ABI3BP: variants seen among roughly 807,000 people sequenced by gnomAD.
The protein encoded by ABI3BP is target of Nesh-SH3.
A neutral mutation model predicts 268.6 loss-of-function variants in ABI3BP; 216 were observed. The ratio of observed to expected loss-of-function variants is 0.80; its 90% confidence interval spans 0.72 to 0.90. The LOEUF (loss-of-function observed/expected upper bound fraction) is 0.90. Among genes scored for constraint, ABI3BP ranks in the 40% least tolerant of loss-of-function variants. ABI3BP has a pLI of 0.00. For missense variants in ABI3BP, 2,090 were observed against 2,182.4 expected (o/e 0.96, Z 0.84); for synonymous variants, 730 against 730.0 (o/e 1.00, Z 0.00).
intron 54 of ABI3BP, among the ~76,000 whole-genome samples, 162 bp downstream of exon 54, chr3:100,794,761 T>C (rs2097295466): frequency 6.6e-6 from 1 of 151,992 alleles, no homozygotes; most frequent in Non-Finnish European, 1.5e-5. Context: ...TCAGCATAAA[T>C]ATTAGGACAA....
intron 6 of ABI3BP, 29 bp from the exon 7 acceptor site, chr3:100,876,589 T>C (rs1047744431): frequency 6.3e-7 from 1 of 1,595,864 alleles, no homozygotes; most frequent in Non-Finnish European, 8.6e-7. Context: ...AGTCAACTTT[T>C]GAGTCATTGT....
chr3:100,848,031 G>T (rs1019677389), intron 18 of ABI3BP, among the ~76,000 whole-genome samples: 1 of 152,016 alleles, frequency 6.6e-6, no homozygotes, highest in Non-Finnish European at 1.5e-5. Context: ...ATGTATTTTG[G>T]GGTCTGTATC....
intron 50 of ABI3BP, among the ~76,000 whole-genome samples, chr3:100,807,912 A>G (rs1394909355): frequency 6.6e-6 from 1 of 152,004 alleles, no homozygotes; most frequent in African/African-American, 2.4e-5. Flanking sequence ...TTTTTAAGCA[A>G]TGCCATTCAT....
chr3:100,905,990 G>T (rs955650686), intron 2 of ABI3BP, among the ~76,000 whole-genome samples: 4 of 152,046 alleles, frequency 2.6e-5, no homozygotes, highest in Non-Finnish European at 4.4e-5. Flanking sequence ...TCTTGGCCCT[G>T]CAAGTTATGT....
chr3:100,991,846 G>T (rs115041109), intron 1 of ABI3BP, among the ~76,000 whole-genome samples: 4 of 151,966 alleles, frequency 2.6e-5, no homozygotes, highest in South Asian at 4.1e-4. Context: ...ATTGCAACAC[G>T]ATAATTAAAG....
chr3:100,876,602 A>C, intron 6 of ABI3BP, 42 bp from the exon 7 acceptor site: 2 of 1,575,206 alleles, frequency 1.3e-6, no homozygotes, highest in Non-Finnish European at 1.7e-6. Context: ...GTCATTGTGA[A>C]TAACTTTCTG....
Position 100,883,983 on chromosome 3 carries a change from TTGA to T in ABI3BP, c.696+1550_696+1552del, listed in dbSNP as rs557799401. 2.1e-3 allele frequency among the ~76,000 whole-genome samples: 320 copies of T among 152,178 alleles called. 1 individual carries two copies. Among genetic ancestry groups the T allele is most frequent in the African/African-American group, 7.1e-3 (295 of 41,554 alleles). On this transcript the variant is annotated intron_variant, in intron 6 of 67. Transcript: ENST00000471714. ...TTAAAATTATGTTTATGAAGAGCAT[TTGA>T]TGATAAGAAATATGTTCATAACATT...
intron 51 of ABI3BP, among the ~76,000 whole-genome samples, chr3:100,800,230 T>C (rs2097490513): frequency 6.6e-6 from 1 of 151,736 alleles, no homozygotes; most frequent in Non-Finnish European, 1.5e-5. Flanking sequence ...TTTTTTTGCC[T>C]GTTAATATTC....
intron 1 of ABI3BP, among the ~76,000 whole-genome samples, chr3:100,978,308 A>C (rs756065201): frequency 2.6e-5 from 4 of 152,248 alleles, no homozygotes; most frequent in Non-Finnish European, 4.4e-5. Context: ...ATGAAGTATC[A>C]AATTCATCTT....
At chr3:100,762,524 A>C (rs929852174) in intron 63 of ABI3BP, among the ~76,000 whole-genome samples, 5 of 152,098 alleles carry the variant, frequency 3.3e-5, no homozygotes, top group Admixed American at 2.0e-4. Context: ...TCCTACACTT[A>C]CTTGGTATGC....
At chr3:100,926,267 C>G (rs1008872616) in intron 2 of ABI3BP, 35 bp downstream of exon 2, 7 of 1,606,978 alleles carry the variant, frequency 4.4e-6, no homozygotes, top group Non-Finnish European at 6.0e-6. Context: ...CCTCTTACCT[C>G]CTTTCCTTCC....
chr3:100,775,116 C>A, intron 60 of ABI3BP, 91 bp downstream of exon 60: 2 of 1,464,300 alleles, frequency 1.4e-6, no homozygotes, highest in Admixed American at 2.5e-5. Flanking sequence ...AATAGAAGAC[C>A]TCAAACTGAG....
At chr3:100,967,781 T>A (rs77855871) in intron 1 of ABI3BP, among the ~76,000 whole-genome samples, 3,760 of 152,260 alleles carry the variant, frequency 0.025, 78 homozygotes, top group Non-Finnish European at 0.043. Flanking sequence ...CAATGAACAT[T>A]TTATAAAAGG....
intron 1 of ABI3BP, among the ~76,000 whole-genome samples, chr3:100,964,568 A>G (rs1249274202): frequency 3.9e-5 from 6 of 152,174 alleles, no homozygotes; most frequent in Non-Finnish European, 8.8e-5. Context: ...ACTCCAGGGT[A>G]TAGACACCAG....
chr3:100,776,393 G>A (rs764269159), intron 59 of ABI3BP, among the ~76,000 whole-genome samples: 10 of 152,310 alleles, frequency 6.6e-5, no homozygotes, highest in Admixed American at 2.6e-4. Flanking sequence ...CAGTCCACAA[G>A]GGCTTTCCAG....
rs577332052 is a variant in ABI3BP at position 100,825,881 on chromosome 3, A to C, written c.2603-37T>G. On this transcript the variant is annotated intron_variant, in intron 34 of 67. Coordinates refer to ENST00000471714, the MANE Select transcript of ABI3BP (RefSeq NM_001375547.2). ...AGATAAACAAAAGAGATGGTAAAAA[A>C]TGTGTGGGAGCTATAGTATTCACAT... 1.4e-5 allele frequency: 20 copies of C among 1,424,696 alleles called. No homozygotes were observed. In the East Asian group the frequency reaches 4.0e-4, roughly 28 times the overall value. 88.3% of individuals were successfully genotyped at this position (1,424,696 alleles called of 1,614,324 possible).
At chr3:100,844,181 A>T (rs746606712) in intron 20 of ABI3BP, 61 of 985,358 alleles carry the variant, frequency 6.2e-5, no homozygotes, top group Non-Finnish European at 6.4e-5. Context: ...ACAAAGACAA[A>T]TTTGACTCAC....
chr3:100,790,085 C>T (rs758722296), intron 55 of ABI3BP, among the ~76,000 whole-genome samples: 5 of 151,978 alleles, frequency 3.3e-5, no homozygotes, highest in Non-Finnish European at 7.4e-5. Context: ...CAGAAAATGA[C>T]ATCTGGTGCC....
In ABI3BP at chr3:100,749,627, A is replaced by T; in HGVS notation, c.*868T>A. On this transcript the variant is annotated 3_prime_UTR_variant, in exon 68 of 68. Transcript: ENST00000471714. Reference sequence around the variant, plus strand: ...GTCTTAACGTATAAATACATAGTAAATATCCTATAAAATGGTAGGCAATCT... The same window carrying T: ...GTCTTAACGTATAAATACATAGTAATTATCCTATAAAATGGTAGGCAATCT... 2.5e-6 allele frequency: 1 copy of T among 398,416 alleles called. No individual in the cohort carries two copies. The highest frequency in any genetic ancestry group is 4.4e-6 in the Non-Finnish European group (1 of 225,726). 24.7% of individuals were successfully genotyped at this position (398,416 alleles called of 1,614,324 possible). A position where few individuals can be genotyped will look rare whatever the true frequency, so the allele number is the denominator to read the frequency against.
Sources: gnomAD v4.1 joint callset for allele counts (sites outside exome capture counted in the v4.1 genomes callset) on GRCh38, gnomAD v4.1.1 for gene constraint, MANE v1.5 for transcripts, NCBI Gene and HGNC (gene_info 2026-07-23, HGNC 2026-07-21) for gene names.